The following TMEM117 variants were observed in gnomAD, a reference collection of about 807,000 sequenced individuals.
TMEM117 encodes the protein transmembrane protein 117.
A neutral mutation model predicts 52.4 loss-of-function variants in TMEM117; 27 were observed. That is an observed-to-expected ratio of 0.51 (90% CI 0.38 to 0.71). The LOEUF is 0.71. Among genes scored for constraint, TMEM117 ranks in the 30% least tolerant of loss-of-function variants. The pLI, the probability that TMEM117 is intolerant of heterozygous loss-of-function variation, is 0.00. For missense variants in TMEM117, 556 were observed against 630.5 expected, an observed-to-expected ratio of 0.88 and a Z score of 1.26; for synonymous variants, 215 against 206.3, an observed-to-expected ratio of 1.04 and a Z score of -0.36.
At chr12:44,003,505 C>T (rs1946147495) in intron 3 of TMEM117, among the ~76,000 whole-genome samples, 1 of 152,204 alleles carries the variant, frequency 6.6e-6, no homozygotes, top group Non-Finnish European at 1.5e-5. Flanking sequence ...CCGCTCAGCC[C>T]ATCTTCTCTG....
At chr12:44,205,320 T>G (rs1269087346) in intron 4 of TMEM117, among the ~76,000 whole-genome samples, 1 of 152,182 alleles carries the variant, frequency 6.6e-6, no homozygotes, top group African/African-American at 2.4e-5. Context: ...TTTGTTGCTA[T>G]GTAAGTCATA....
intron 4 of TMEM117, among the ~76,000 whole-genome samples, chr12:44,169,632 C>T (rs7968824): frequency 0.074 from 11,193 of 152,240 alleles, 584 homozygotes; most frequent in Middle Eastern, 0.16. Context: ...AAATTTCTTC[C>T]ATTCCATGGT....
At chr12:43,932,751 C>T (rs1944891469) in intron 2 of TMEM117, among the ~76,000 whole-genome samples, 1 of 152,182 alleles carries the variant, frequency 6.6e-6, no homozygotes, top group South Asian at 2.1e-4. Flanking sequence ...GTCATTTAAA[C>T]TTGTATCTTA....
chr12:44,297,065 T>C (rs1700016618), intron 5 of TMEM117, among the ~76,000 whole-genome samples: 1 of 152,176 alleles, frequency 6.6e-6, no homozygotes, highest in Non-Finnish European at 1.5e-5. Context: ...TATTGTTCTG[T>C]GGGAGGATAT....
chr12:44,311,923 A>G (rs137881136), intron 6 of TMEM117, among the ~76,000 whole-genome samples: 1,881 of 147,144 alleles, frequency 0.013, 38 homozygotes, highest in South Asian at 0.023. Flanking sequence ...GTATATATAT[A>G]TATATATTTT....
At chr12:44,002,251 A>G (rs779222610) in intron 3 of TMEM117, among the ~76,000 whole-genome samples, 2 of 152,006 alleles carry the variant, frequency 1.3e-5, no homozygotes, top group Non-Finnish European at 2.9e-5. Context: ...TTACAGCAGA[A>G]TGGGCCCAAG....
chr12:44,165,527 T>C (rs896219610), intron 4 of TMEM117, among the ~76,000 whole-genome samples: 3 of 152,100 alleles, frequency 2.0e-5, no homozygotes, highest in Non-Finnish European at 4.4e-5. Context: ...AGTGAAATGA[T>C]GGAAAAAGAT....
downstream of TMEM117, among the ~76,000 whole-genome samples, chr12:44,390,019 T>C (rs1253095804): frequency 6.6e-6 from 1 of 152,110 alleles, no homozygotes. Flanking sequence ...TGTTTTGATC[T>C]ATCTACTTTT....
chr12:43,920,148 C>T (rs1405193546), intron 2 of TMEM117, among the ~76,000 whole-genome samples: 1 of 152,124 alleles, frequency 6.6e-6, no homozygotes, highest in East Asian at 1.9e-4. Flanking sequence ...TCTGACCTCT[C>T]TCTCCTTACA....
At chr12:44,013,487 G>A (rs1201958508) in intron 3 of TMEM117, among the ~76,000 whole-genome samples, 3 of 152,106 alleles carry the variant, frequency 2.0e-5, no homozygotes, top group African/African-American at 7.2e-5. Flanking sequence ...ATTCCAAGAG[G>A]TTAGGGTCTG....
chr12:44,314,385 G>A (rs980242680), intron 6 of TMEM117, among the ~76,000 whole-genome samples: 3 of 151,996 alleles, frequency 2.0e-5, no homozygotes, highest in Admixed American at 2.0e-4. Flanking sequence ...CTGGTTTTGT[G>A]GTGAATCACA....
rs1326024129 is a variant in TMEM117, at chr12:44,203,438, C to T, written c.511-7852C>T. 2.6e-5 allele frequency among the ~76,000 whole-genome samples: 4 copies of T among 152,062 alleles called. 1 individual carries two copies. The highest frequency in any genetic ancestry group is 4.1e-4 in the South Asian group (2 of 4,830). ...TTCGTTCATCTTCTGTATGGATTTT[C>T]GTGTCTCAAATTTGTTCATTTCAGC... On this transcript the variant is annotated intron_variant, in intron 4 of 7. Transcript: ENST00000266534.
At chr12:43,800,552 C>T in the TMEM117 span, 1 of 1,570,638 alleles carries the variant, frequency 6.4e-7, no homozygotes, top group Non-Finnish European at 8.8e-7. Flanking sequence ...TGAAAGTTTA[C>T]TTAGTTTATA....
At chr12:44,030,788 A>G (rs1169414638) in intron 3 of TMEM117, among the ~76,000 whole-genome samples, 2 of 152,216 alleles carry the variant, frequency 1.3e-5, no homozygotes, top group Admixed American at 6.5e-5. Flanking sequence ...GTTAAATAGG[A>G]TAAAGCTGAA....
chr12:43,869,146 A>G (rs1159690005), intron 2 of TMEM117, among the ~76,000 whole-genome samples: 1 of 152,182 alleles, frequency 6.6e-6, no homozygotes, highest in African/African-American at 2.4e-5. Flanking sequence ...CTGACATAAG[A>G]AGAAATAATC....
chr12:44,115,884 C>T (rs1948133607), intron 3 of TMEM117, among the ~76,000 whole-genome samples: 1 of 152,204 alleles, frequency 6.6e-6, no homozygotes, highest in Non-Finnish European at 1.5e-5. Flanking sequence ...GGATCAGTTT[C>T]ATCTACTAGA....
At chr12:44,184,591 A>T (rs1243401628) in intron 4 of TMEM117, among the ~76,000 whole-genome samples, 1 of 152,106 alleles carries the variant, frequency 6.6e-6, no homozygotes, top group East Asian at 1.9e-4. Context: ...AAGCAGAGAA[A>T]AACCCCAGCT....
intron 4 of TMEM117, among the ~76,000 whole-genome samples, chr12:44,171,596 G>T (rs552939346): frequency 2.0e-5 from 3 of 152,134 alleles, no homozygotes; most frequent in Admixed American, 2.0e-4. Context: ...ATTCCTGAAA[G>T]ATTTCTCCCA....
At chr12:44,179,707 G>C (rs1046132316) in intron 4 of TMEM117, among the ~76,000 whole-genome samples, 2 of 152,186 alleles carry the variant, frequency 1.3e-5, no homozygotes, top group Non-Finnish European at 2.9e-5. Flanking sequence ...ACACACCCAG[G>C]AACAACGCTT....
Sources: gnomAD v4.1 joint callset for allele counts (sites outside exome capture counted in the v4.1 genomes callset) on GRCh38, gnomAD v4.1.1 for gene constraint, MANE v1.5 for transcripts, NCBI Gene and HGNC (gene_info 2026-07-23, HGNC 2026-07-21) for gene names.